ARB2A: variants seen among roughly 807,000 people sequenced by gnomAD.
The protein encoded by ARB2A is cotranscriptional regulator ARB2A.
the ARB2A span, among the ~76,000 whole-genome samples, chr5:93,769,663 C>T: frequency 3.7e-4 from 56 of 152,234 alleles, no homozygotes; most frequent in Admixed American, 2.0e-4. Context: ...AGAACCTTTT[C>T]ACTAGCACAG....
At chr5:93,950,740 C>T in the ARB2A span, among the ~76,000 whole-genome samples, 4 of 151,408 alleles carry the variant, frequency 2.6e-5, no homozygotes, top group South Asian at 4.2e-4. Flanking sequence ...GTCAGAAGTT[C>T]GAGACTAGCC....
chr5:93,777,107 T>C, the ARB2A span, among the ~76,000 whole-genome samples: 1 of 136,632 alleles, frequency 7.3e-6, no homozygotes, highest in Non-Finnish European at 1.5e-5. Context: ...TCAAAATAGT[T>C]GTAAAGAACA....
At chr5:93,975,796 C>CA in the ARB2A span, among the ~76,000 whole-genome samples, 1 of 151,664 alleles carries the variant, frequency 6.6e-6, no homozygotes, top group Non-Finnish European at 1.5e-5. Flanking sequence ...AACTACCAAC[C>CA]AAAAAAAGCC....
At chr5:93,776,065 C>A in the ARB2A span, 2 of 1,019,684 alleles carry the variant, frequency 2.0e-6, no homozygotes, top group Non-Finnish European at 1.4e-6. Context: ...AAGATAAAAA[C>A]AAACTAATTC....
the ARB2A span, among the ~76,000 whole-genome samples, chr5:94,085,225 C>T: frequency 6.6e-6 from 1 of 152,190 alleles, no homozygotes; most frequent in Admixed American, 6.5e-5. Flanking sequence ...TCAAAACAGT[C>T]AGTTTATTCA....
the ARB2A span, among the ~76,000 whole-genome samples, chr5:93,828,023 G>A: frequency 1.3e-5 from 2 of 152,314 alleles, no homozygotes; most frequent in Admixed American, 6.5e-5. Flanking sequence ...GTCAGGTAGT[G>A]TGATGCCTCC....
At chr5:93,756,083 C>T in the ARB2A span, among the ~76,000 whole-genome samples, 1 of 152,032 alleles carries the variant, frequency 6.6e-6, no homozygotes, top group Non-Finnish European at 1.5e-5. Context: ...GGGAGCTGGG[C>T]GAGGCCTGTG....
the ARB2A span, among the ~76,000 whole-genome samples, chr5:94,017,949 AAGTCTCACG>A: frequency 6.6e-6 from 1 of 152,158 alleles, no homozygotes; most frequent in East Asian, 1.9e-4. Flanking sequence ...GATAGTGAAT[AAGTCTCACG>A]AGATCTGATG....
chr5:93,930,300 T>G, the ARB2A span, among the ~76,000 whole-genome samples: 2 of 152,190 alleles, frequency 1.3e-5, no homozygotes, highest in Non-Finnish European at 2.9e-5. Context: ...TAGAAATAAC[T>G]GATAAGATAT....
At chr5:93,686,313 T>A in the ARB2A span, among the ~76,000 whole-genome samples, 2 of 152,174 alleles carry the variant, frequency 1.3e-5, no homozygotes, top group Non-Finnish European at 1.5e-5. Flanking sequence ...TCTTCAACAT[T>A]CCCATGAATA....
At chr5:93,791,643 GCC>G in the ARB2A span, among the ~76,000 whole-genome samples, 2 of 152,182 alleles carry the variant, frequency 1.3e-5, no homozygotes, top group Admixed American at 1.3e-4. Flanking sequence ...GTGCTTTGAA[GCC>G]CTAGCTTCAA....
chr5:93,753,105 C>T, the ARB2A span, among the ~76,000 whole-genome samples: 3 of 152,214 alleles, frequency 2.0e-5, no homozygotes, highest in East Asian at 5.8e-4. Flanking sequence ...CCTTGAATTT[C>T]AAGATATGTT....
the ARB2A span, among the ~76,000 whole-genome samples, chr5:93,855,602 G>C: frequency 6.6e-6 from 1 of 152,114 alleles, no homozygotes; most frequent in African/African-American, 2.4e-5. Flanking sequence ...GGTACTGGTT[G>C]TTCCTTTCCA....
chr5:93,990,833 T>A, the ARB2A span, among the ~76,000 whole-genome samples: 1 of 151,986 alleles, frequency 6.6e-6, no homozygotes, highest in South Asian at 2.1e-4. Context: ...ACAAAGGAGA[T>A]AAGCCCCATA....
chr5:93,844,112 T>TTA, the ARB2A span, among the ~76,000 whole-genome samples: 1 of 115,250 alleles, frequency 8.7e-6, no homozygotes, highest in Non-Finnish European at 1.8e-5. Flanking sequence ...AAGATGAGGA[T>TTA]AAAAAAACAA....
chr5:93,982,144 T>C, the ARB2A span, among the ~76,000 whole-genome samples: 5 of 152,258 alleles, frequency 3.3e-5, no homozygotes, highest in Non-Finnish European at 5.9e-5. Context: ...GGCTGTGATA[T>C]TGGGAATGCA....
the ARB2A span, among the ~76,000 whole-genome samples, chr5:93,870,337 G>A: frequency 3.3e-5 from 5 of 152,098 alleles, no homozygotes; most frequent in Admixed American, 2.0e-4. Context: ...TACCCGATTC[G>A]ATTTCTCTAT....
chr5:94,074,455 C>T, the ARB2A span, among the ~76,000 whole-genome samples: 102 of 152,028 alleles, frequency 6.7e-4, 1 homozygote, highest in East Asian at 0.011. Flanking sequence ...TACATGATCC[C>T]GTGATTTATT....
the ARB2A span, among the ~76,000 whole-genome samples, chr5:93,761,629 G>A: frequency 2.6e-5 from 4 of 152,188 alleles, no homozygotes; most frequent in Admixed American, 6.5e-5. Flanking sequence ...CACCTCTGGG[G>A]GCAGGGCATT....
Sources: allele counts gnomAD v4.1 joint callset (sites outside exome capture counted in the v4.1 genomes callset), GRCh38; gene constraint gnomAD v4.1.1; transcripts MANE v1.5; gene names NCBI Gene and HGNC (gene_info 2026-07-23, HGNC 2026-07-21).